LMAN2: variants seen among roughly 807,000 people sequenced by gnomAD.
LMAN2 encodes the protein vesicular integral-membrane protein VIP36.
A neutral mutation model predicts 39.3 loss-of-function variants in LMAN2; 22 were observed. The ratio of observed to expected loss-of-function variants is 0.56; its 90% CI spans 0.40 to 0.80. LMAN2 has a LOEUF of 0.80. Among genes scored for constraint, LMAN2 ranks in the 30% least tolerant of loss-of-function variants. The pLI, the probability that LMAN2 is intolerant of heterozygous loss-of-function variation, is 0.00. For missense variants in LMAN2, 494 were observed against 505.4 expected (o/e 0.98, Z 0.22); for synonymous variants, 207 against 207.8 (o/e 1.00, Z 0.03).
chr5:177,343,116 A>G (rs1168051404), intron 2 of LMAN2, among the ~76,000 whole-genome samples: 1 of 151,948 alleles, frequency 6.6e-6, no homozygotes, highest in Non-Finnish European at 1.5e-5. Context: ...TTAACTGGGC[A>G]TGGTGGCAGG....
Position 177,351,551 on chromosome 5 carries a change from G to A in LMAN2, c.97C>T (p.Leu33Phe), listed in dbSNP as rs374068511. The change falls in exon 1 of 8, where the codon CTC becomes TTC. Residue 33 changes from leucine to phenylalanine, a missense_variant. By Grantham distance (22) the Leu-to-Phe change is conservative (BLOSUM62 0). Coordinates refer to ENST00000303127, the MANE Select transcript of LMAN2 (RefSeq NM_006816.3). ...GACCCCAACAACAAAAGAAGAAAGAGAGGTGTAGTGGGGCCAGGGCCGGGG... is the reference window on the plus strand; with the variant it reads ...GACCCCAACAACAAAAGAAGAAAGAAAGGTGTAGTGGGGCCAGGGCCGGGG... ...LGPGPGPTTP[L>F]FLLLLLGSVT... The A allele has an allele frequency of 7.1e-5, 115 of 1,614,132 alleles. No homozygotes were observed. The highest frequency in any genetic ancestry group is 9.4e-5 in the Non-Finnish European group (111 of 1,180,050).
chr5:177,336,372 C>T (rs556302428), intron 6 of LMAN2, among the ~76,000 whole-genome samples: 2 of 152,254 alleles, frequency 1.3e-5, no homozygotes, highest in South Asian at 4.1e-4. Context: ...CAGAGCTCTG[C>T]GCAGAGCAGC....
At chr5:177,336,065 A>C (rs567538141) in intron 6 of LMAN2, among the ~76,000 whole-genome samples, 9 of 152,230 alleles carry the variant, frequency 5.9e-5, no homozygotes, top group Non-Finnish European at 1.2e-4. Context: ...AGACAATAAA[A>C]TTAATTACTC....
chr5:177,335,781 C>A (rs1761460119), intron 6 of LMAN2, among the ~76,000 whole-genome samples: 1 of 152,202 alleles, frequency 6.6e-6, no homozygotes, highest in Non-Finnish European at 1.5e-5. Flanking sequence ...GGCTCCTGGG[C>A]AGTGGGCAGA....
At chr5:177,347,003 A>G (rs1172219701) in intron 2 of LMAN2, among the ~76,000 whole-genome samples, 1 of 152,210 alleles carries the variant, frequency 6.6e-6, no homozygotes, top group African/African-American at 2.4e-5. Flanking sequence ...CCACATTCAT[A>G]AGCACAAACA....
Position 177,337,270 on chromosome 5 carries a change from A to C in LMAN2, c.676-20T>G, listed in dbSNP as rs1157246885. On this transcript the variant is annotated intron_variant, in intron 5 of 7. Coordinates refer to ENST00000303127, the MANE Select transcript of LMAN2 (RefSeq NM_006816.3). The surrounding 1 kb of genome is among the most constrained non-coding windows in gnomAD (Gnocchi z 8.2). ...CATCACCTGCAGGGCCCAGCACGCT[A>C]AGCACCTCGCAGGACAGCAGCCTGC... The C allele has an allele frequency of 6.2e-7, 1 of 1,613,286 alleles. No homozygotes were observed. The highest frequency in any genetic ancestry group is 1.3e-5 in the African/African-American group (1 of 75,044).
intron 2 of LMAN2, among the ~76,000 whole-genome samples, chr5:177,339,184 C>T (rs1032510394): frequency 3.9e-5 from 6 of 152,172 alleles, no homozygotes; most frequent in Non-Finnish European, 7.4e-5. Flanking sequence ...TCAGTACTTC[C>T]CGCGGCCTGC....
intron 2 of LMAN2, among the ~76,000 whole-genome samples, chr5:177,342,158 T>C (rs1296144846): frequency 6.6e-6 from 1 of 152,168 alleles, no homozygotes; most frequent in African/African-American, 2.4e-5. Context: ...CTCTGTATTA[T>C]TTCCTGCAAC....
rs753068540 is a variant in LMAN2, at chr5:177,337,447, G to A, written c.591C>T (p.Thr197=). Residue 197 remains threonine, a synonymous_variant, in exon 5 of 8, where the codon ACC becomes ACT. Transcript: ENST00000303127. This position sits in a 1 kb window ranked among gnomAD's most constrained non-coding sequence, Gnocchi z 8.2. ...SYDHSKDGRW[T]ELAGCTADFR... The stretch of plus-strand genomic sequence containing the variant: ...AGTCAGCCGTGCAGCCCGCCAGCTC[G>A]GTCCAGCGCCCATCCTTGCTGTGGT... 1.4e-5 allele frequency: 22 copies of A among 1,613,708 alleles called. No homozygotes were observed. The highest frequency in any genetic ancestry group is 1.7e-5 in the Non-Finnish European group (20 of 1,180,010).
At chr5:177,348,883 CAAA>C (rs11314255) in intron 2 of LMAN2, among the ~76,000 whole-genome samples, 5 of 83,308 alleles carry the variant, frequency 6.0e-5, no homozygotes, top group South Asian at 8.0e-4. Context: ...GACTCCGTCT[CAAA>C]AAAAAAAAAA....
chr5:177,339,252 T>A (rs1761519094), intron 2 of LMAN2, among the ~76,000 whole-genome samples: 1 of 152,124 alleles, frequency 6.6e-6, no homozygotes, highest in Admixed American at 6.5e-5. Flanking sequence ...CACTGCCACA[T>A]CCACCCTGCT....
chr5:177,337,411 G>A lies in LMAN2; in HGVS notation c.627C>T (p.Arg209=), dbSNP rs777266298. The A allele has an allele frequency of 1.5e-5, 25 of 1,613,062 alleles. No homozygotes were observed. Among genetic ancestry groups the A allele is most frequent in the South Asian group, 3.3e-5 (3 of 91,084 alleles). ...GCACAGCCAGGAAGGTGTCGTGATC[G>A]CGGTTGCGGAAGTCAGCCGTGCAGC... ...LAGCTADFRN[R]DHDTFLAVRY... Residue 209 remains arginine, a synonymous_variant, in exon 5 of 8, where the codon CGC becomes CGT. Coordinates refer to ENST00000303127, the MANE Select transcript of LMAN2 (RefSeq NM_006816.3). This position sits in a 1 kb window ranked among gnomAD's most constrained non-coding sequence, Gnocchi z 8.2.
At chr5:177,335,818 G>A (rs976201019) in intron 6 of LMAN2, among the ~76,000 whole-genome samples, 7 of 152,202 alleles carry the variant, frequency 4.6e-5, no homozygotes, top group Admixed American at 2.0e-4. Context: ...GGGTCATCCT[G>A]AGGATAAACC....
Position 177,337,119 on chromosome 5 carries a change from TGGCCC to T in LMAN2, c.790+12_790+16del. The T allele has an allele frequency of 6.3e-7, 1 of 1,597,838 alleles. No individual in the cohort carries two copies. The highest frequency in any genetic ancestry group is 2.2e-5 in the East Asian group (1 of 44,810). ...GTGAGCTGGGCTGGGAACCAACGCC[TGGCCC>T]GGCCCACTCACCAGACAGGTCGCCG... On this transcript the variant is annotated intron_variant, in intron 6 of 7. Coordinates refer to ENST00000303127, the MANE Select transcript of LMAN2 (RefSeq NM_006816.3). This position sits in a 1 kb window ranked among gnomAD's most constrained non-coding sequence, Gnocchi z 8.2.
Position 177,332,262 on chromosome 5 carries a change from C to T in LMAN2, c.911-16G>A, listed in dbSNP as rs1408101199. On this transcript the variant is annotated splice_polypyrimidine_tract_variant and intron_variant, in intron 7 of 7. Coordinates refer to ENST00000303127, the MANE Select transcript of LMAN2 (RefSeq NM_006816.3). This position sits in a 1 kb window ranked among gnomAD's most constrained non-coding sequence, Gnocchi z 6.3. ...TCCACGTTGTCTGGGGGAGAAGAAACGGGGGAGCTGAAACGGCAGCACGGG... is the reference window on the plus strand; with the variant it reads ...TCCACGTTGTCTGGGGGAGAAGAAATGGGGGAGCTGAAACGGCAGCACGGG... The T allele has an allele frequency of 1.2e-5, 20 of 1,609,614 alleles. No individual in the cohort carries two copies. Among genetic ancestry groups the T allele is most frequent in the East Asian group, 1.1e-4 (5 of 44,812 alleles).
At chr5:177,336,964 G>C in intron 6 of LMAN2, 172 bp downstream of exon 6, 1 of 612,398 alleles carries the variant, frequency 1.6e-6, no homozygotes, top group South Asian at 2.0e-5. Flanking sequence ...GGTGAGCCCA[G>C]AAACCACAGG....
chr5:177,339,545 C>T (rs58849180), intron 2 of LMAN2, among the ~76,000 whole-genome samples: 3,369 of 152,296 alleles, frequency 0.022, 111 homozygotes, highest in African/African-American at 0.078. Context: ...TCAACACACA[C>T]GGTGACAAGA....
rs376897155 is a variant in LMAN2, at chr5:177,335,209, T to C, written c.791-806A>G. Among the ~76,000 whole-genome samples, 173 of 152,338 alleles carry C rather than the reference T, an allele frequency of 1.1e-3. 1 individual carries two copies. The South Asian group carries it at 0.012, about 11-fold the overall frequency. ...AGGCACACAGTGTGAGAGCCGAGCATGCACAGCCCTTGGAGACGGCGAGCG... is the reference window on the plus strand; with the variant it reads ...AGGCACACAGTGTGAGAGCCGAGCACGCACAGCCCTTGGAGACGGCGAGCG... On this transcript the variant is annotated intron_variant, in intron 6 of 7. Transcript: ENST00000303127.
chr5:177,338,817 G>C (rs886239261), intron 2 of LMAN2, among the ~76,000 whole-genome samples: 7 of 152,208 alleles, frequency 4.6e-5, no homozygotes, highest in East Asian at 1.9e-4. Context: ...CAGGTGAGGT[G>C]GGGGAGGCCA....
Sources: allele counts gnomAD v4.1 joint callset (sites outside exome capture counted in the v4.1 genomes callset), GRCh38; gene constraint gnomAD v4.1.1; non-coding constraint Gnocchi (gnomAD v3.1); transcripts MANE v1.5; gene names NCBI Gene and HGNC (gene_info 2026-07-23, HGNC 2026-07-21).